PTPRN2: variants seen among roughly 807,000 people sequenced by gnomAD.
PTPRN2 encodes receptor-type tyrosine-protein phosphatase N2.
PTPRN2 carries 74 observed loss-of-function variants against 118.8 expected under a neutral mutation model. That is an observed-to-expected ratio of 0.62 (90% CI 0.52 to 0.76). PTPRN2 has a LOEUF of 0.76. Ranked by LOEUF, PTPRN2 falls within the 30% of genes least tolerant of loss-of-function variation. The probability of loss-of-function intolerance (pLI) is 0.00; values close to 1 mark genes in which losing one functional copy is unlikely to be tolerated. For missense variants in PTPRN2, 1,481 were observed against 1,394.4 expected (o/e 1.06, Z -0.99); for synonymous variants, 641 against 608.0 (o/e 1.05, Z -0.80).
intron 11 of PTPRN2, among the ~76,000 whole-genome samples, chr7:158,046,235 G>A (rs1375719718): frequency 1.3e-5 from 2 of 150,940 alleles, no homozygotes; most frequent in East Asian, 2.0e-4. Context: ...AGCAGAACCT[G>A]CGTTCCTGGC....
rs1803786487 is a variant in PTPRN2, at chr7:157,986,332, C to G, written c.1724-87595G>C. On this transcript the variant is annotated intron_variant, in intron 11 of 22. Coordinates refer to ENST00000389418, the MANE Select transcript of PTPRN2 (RefSeq NM_002847.5). The surrounding 1 kb of genome is among the most constrained non-coding windows in gnomAD (Gnocchi z 4.5). ...AGGCTTCGCTTTAGGACCATGGACTCTGGCGGCAGATAATGGCCTGAGAGG... is the reference window on the plus strand; with the variant it reads ...AGGCTTCGCTTTAGGACCATGGACTGTGGCGGCAGATAATGGCCTGAGAGG... 6.6e-6 allele frequency among the ~76,000 whole-genome samples: 1 copy of G among 152,208 alleles called. No homozygotes were observed.
chr7:157,571,518 T>C (rs780646683), intron 19 of PTPRN2, 25 bp from the exon 20 acceptor site: 7 of 1,576,000 alleles, frequency 4.4e-6, no homozygotes, highest in Non-Finnish European at 6.1e-6. Context: ...GATATAAAAA[T>C]TATCGTTGTG....
rs143531344 is a variant in PTPRN2, at chr7:158,087,385, G to A, written c.1644-6008C>T. The stretch of plus-strand genomic sequence containing the variant: ...CGTCAGGGTAGATCTTGAAAGTGTC[G>A]TCCCGATGGTCGTGCCAGGCACATC... On this transcript the variant is annotated intron_variant, in intron 10 of 22. Transcript: ENST00000389418. Among the ~76,000 whole-genome samples, 77 of 152,158 alleles carry A rather than the reference G, an allele frequency of 5.1e-4. No individual in the cohort carries two copies. In the East Asian group the frequency reaches 0.011, roughly 22 times the overall value.
chr7:158,384,116 G>T (rs1297482258), intron 2 of PTPRN2, among the ~76,000 whole-genome samples: 1 of 152,162 alleles, frequency 6.6e-6, no homozygotes, highest in South Asian at 2.1e-4. Context: ...TGATTTGCGT[G>T]CACCAACTGT....
chr7:158,194,365 A>G (rs965282542), intron 4 of PTPRN2, among the ~76,000 whole-genome samples: 22 of 152,368 alleles, frequency 1.4e-4, no homozygotes, highest in African/African-American at 5.3e-4. Flanking sequence ...CACCATTAAA[A>G]AGATGGGCCA....
chr7:157,699,800 G>C (rs1226393741), intron 12 of PTPRN2, among the ~76,000 whole-genome samples: 2 of 152,208 alleles, frequency 1.3e-5, no homozygotes, highest in African/African-American at 4.8e-5. Flanking sequence ...AGCATTGGTG[G>C]TGCAGGATTC....
At chr7:157,852,094 G>C (rs1177535498) in intron 12 of PTPRN2, among the ~76,000 whole-genome samples, 1 of 152,236 alleles carries the variant, frequency 6.6e-6, no homozygotes, top group South Asian at 2.1e-4. Flanking sequence ...GGTGCCCGCT[G>C]AGGAGTCTGG....
chr7:157,718,269 A>G (rs1799031059), intron 12 of PTPRN2, among the ~76,000 whole-genome samples: 1 of 152,256 alleles, frequency 6.6e-6, no homozygotes, highest in African/African-American at 2.4e-5. Flanking sequence ...AATGACTTGT[A>G]GAAGGAGAGG....
intron 9 of PTPRN2, among the ~76,000 whole-genome samples, chr7:158,131,035 TAC>T (rs201240725): frequency 0.023 from 2,705 of 120,144 alleles, 68 homozygotes; most frequent in African/African-American, 0.072. Flanking sequence ...CACACACTTA[TAC>T]ACACACGTAC....
At chr7:158,145,895 G>C (rs563419318) in intron 6 of PTPRN2, among the ~76,000 whole-genome samples, 1 of 152,220 alleles carries the variant, frequency 6.6e-6, no homozygotes, top group Non-Finnish European at 1.5e-5. Context: ...AGCGCTCATG[G>C]TCTGTGGTTT....
At chr7:158,442,031 G>C (rs182388634) in intron 2 of PTPRN2, among the ~76,000 whole-genome samples, 1 of 150,642 alleles carries the variant, frequency 6.6e-6, no homozygotes, top group African/African-American at 2.4e-5. Context: ...GATGGTGATA[G>C]TGATGGTGGT....
At chr7:158,150,745 C>A (rs1340619598) in intron 6 of PTPRN2, among the ~76,000 whole-genome samples, 1 of 151,924 alleles carries the variant, frequency 6.6e-6, no homozygotes, top group Non-Finnish European at 1.5e-5. Context: ...TCTCTTCTTT[C>A]CTGGTCTGTG....
chr7:158,175,054 T>C (rs1352773929), intron 5 of PTPRN2, among the ~76,000 whole-genome samples: 1 of 152,228 alleles, frequency 6.6e-6, no homozygotes, highest in Non-Finnish European at 1.5e-5. Context: ...CGGGAGACTC[T>C]GGGTGGAGGA....
At chr7:157,607,793 G>A (rs532416798) in intron 15 of PTPRN2, among the ~76,000 whole-genome samples, 11 of 152,268 alleles carry the variant, frequency 7.2e-5, no homozygotes, top group East Asian at 3.9e-4. Context: ...TCCCTAGCTC[G>A]GGAGTCCTGG....
intron 10 of PTPRN2, among the ~76,000 whole-genome samples, chr7:158,109,884 T>G (rs1269500759): frequency 2.7e-5 from 4 of 149,812 alleles, no homozygotes; most frequent in Non-Finnish European, 4.5e-5. Context: ...GGACAGTGAG[T>G]GAATGATGTC....
chr7:157,635,682 T>TGCATAATCCA (rs1804268861), intron 14 of PTPRN2, among the ~76,000 whole-genome samples: 1 of 152,130 alleles, frequency 6.6e-6, no homozygotes, highest in African/African-American at 2.4e-5. Flanking sequence ...ATATCTGGAT[T>TGCATAATCCA]TTCTAGAATT....
At position 157,970,578 on chromosome 7, in the gene PTPRN2, T is replaced by C. The variant is rs187673431; in HGVS notation, c.1724-71841A>G. ...TGCAGCTGCGCAGATGGCAGGGGCA[T>C]GTTTCCTCCTCTCACTGTAACTGGC... On this transcript the variant is annotated intron_variant, in intron 11 of 22. Transcript: ENST00000389418. 4.0e-3 allele frequency among the ~76,000 whole-genome samples: 615 copies of C among 152,040 alleles called. 5 individuals carry two copies. Among genetic ancestry groups the C allele is most frequent in the African/African-American group, 0.014 (596 of 41,454 alleles).
At chr7:158,557,907 G>A (rs558937970) in intron 1 of PTPRN2, among the ~76,000 whole-genome samples, 260 of 152,184 alleles carry the variant, frequency 1.7e-3, no homozygotes, top group African/African-American at 6.0e-3. Context: ...TATTGATAAA[G>A]CTCTCCTGGT....
intron 2 of PTPRN2, among the ~76,000 whole-genome samples, chr7:158,323,855 GCA>G (rs1803238520): frequency 6.6e-6 from 1 of 152,108 alleles, no homozygotes; most frequent in Non-Finnish European, 1.5e-5. Flanking sequence ...GTGCATGTAT[GCA>G]CATTCATACC....
Sources: allele counts gnomAD v4.1 joint callset (sites outside exome capture counted in the v4.1 genomes callset), GRCh38; gene constraint gnomAD v4.1.1; non-coding constraint Gnocchi (gnomAD v3.1); transcripts MANE v1.5; gene names NCBI Gene and HGNC (gene_info 2026-07-23, HGNC 2026-07-21).